SLC6A13: variants seen among roughly 807,000 people sequenced by gnomAD.
SLC6A13 encodes sodium- and chloride-dependent GABA transporter 2.
Under a neutral mutation model 72.9 loss-of-function variants are expected in SLC6A13, and 69 were observed. That is an observed-to-expected ratio of 0.95 (90% CI 0.78 to 1.16). The LOEUF is 1.16. SLC6A13 is among the 50% of genes most tolerant of loss of function. SLC6A13 has a pLI of 0.00. For missense variants in SLC6A13, 735 were observed against 760.5 expected, an observed-to-expected ratio of 0.97 and a Z score of 0.39; for synonymous variants, 303 against 303.0, an observed-to-expected ratio of 1.00 and a Z score of 0.00.
At position 221,447 on chromosome 12, in the gene SLC6A13, G is replaced by T. The variant is rs201412499; in HGVS notation, c.1615C>A (p.Leu539Met). Residue 539 changes from leucine (L) to methionine (M), a missense_variant, in exon 14 of 15, where the codon CTG becomes ATG. Transcript: ENST00000343164. ...GCAGGAATGCAGACCATGGAGGACAGAGCCAGGAGCCAGCCCAGGGCATCG... is the reference window on the plus strand; with the variant it reads ...GCAGGAATGCAGACCATGGAGGACATAGCCAGGAGCCAGCCCAGGGCATCG... ...WGDALGWLLALSSMVCIPAWS... is the reference protein window; with the variant it reads ...WGDALGWLLAMSSMVCIPAWS... The T allele has an allele frequency of 6.2e-7, 1 of 1,613,900 alleles. No individual in the cohort carries two copies. The highest frequency in any genetic ancestry group is 8.5e-7 in the Non-Finnish European group (1 of 1,179,938).
At chr12:227,783 T>C in intron 7 of SLC6A13, 115 bp from the exon 8 acceptor site, 5 of 855,070 alleles carry the variant, frequency 5.8e-6, no homozygotes, top group Non-Finnish European at 3.6e-6. Flanking sequence ...GCGAGAAACC[T>C]GTTCTCAGCC....
intron 7 of SLC6A13, among the ~76,000 whole-genome samples, chr12:230,272 G>A (rs139729654): frequency 6.6e-6 from 1 of 152,198 alleles, no homozygotes; most frequent in Non-Finnish European, 1.5e-5. Flanking sequence ...GTCTTGGGGG[G>A]AAGGAGGAGG....
At position 220,668 on chromosome 12, in the gene SLC6A13, C is replaced by G. The variant is rs889352098; in HGVS notation, c.*280G>C. ...TAATGGAATGAAGGATGAGAGGGCCCGAAGCCAGCAAGTCTCGCCCCACCT... is the reference window on the plus strand; with the variant it reads ...TAATGGAATGAAGGATGAGAGGGCCGGAAGCCAGCAAGTCTCGCCCCACCT... On this transcript the variant is annotated 3_prime_UTR_variant, in exon 15 of 15. Coordinates refer to ENST00000343164, the MANE Select transcript of SLC6A13 (RefSeq NM_016615.5). 1 of 409,690 alleles carries G rather than the reference C, an allele frequency of 2.4e-6. No homozygotes were observed. Among genetic ancestry groups the G allele is most frequent in the Non-Finnish European group, 4.5e-6 (1 of 223,088 alleles). 25.4% of individuals were successfully genotyped at this position (409,690 alleles called of 1,614,324 possible).
At chr12:235,584 A>G (rs1016200328) in intron 6 of SLC6A13, among the ~76,000 whole-genome samples, 1 of 152,212 alleles carries the variant, frequency 6.6e-6, no homozygotes, top group African/African-American at 2.4e-5. Flanking sequence ...TGATAATTGT[A>G]TTAACTGTAC....
At chr12:259,814 A>G (rs1288975682) in intron 2 of SLC6A13, 37 bp downstream of exon 2, 1 of 1,614,214 alleles carries the variant, frequency 6.2e-7, no homozygotes, top group East Asian at 2.2e-5. Flanking sequence ...TCCTCCTTCC[A>G]GGAGTGGGTG....
chr12:226,571 C>T, intron 8 of SLC6A13, 57 bp from the exon 9 acceptor site: 1 of 1,569,484 alleles, frequency 6.4e-7, no homozygotes, highest in Non-Finnish European at 8.7e-7. Flanking sequence ...GGGCTGCAAC[C>T]TCTCCTGCTT....
chr12:224,738 A>G (rs1442007995), intron 9 of SLC6A13, among the ~76,000 whole-genome samples: 1 of 152,236 alleles, frequency 6.6e-6, no homozygotes, highest in Non-Finnish European at 1.5e-5. Flanking sequence ...TGGCAAGAAC[A>G]GAATCTAGAG....
intron 2 of SLC6A13, among the ~76,000 whole-genome samples, chr12:251,791 A>C (rs1591862055): frequency 9.9e-6 from 1 of 100,610 alleles, no homozygotes; most frequent in Non-Finnish European, 2.5e-5. Context: ...CGTCTCTACC[A>C]AAAAAAAAAA....
intron 1 of SLC6A13, among the ~76,000 whole-genome samples, chr12:260,917 G>A (rs999150838): frequency 2.6e-5 from 4 of 152,040 alleles, no homozygotes; most frequent in Non-Finnish European, 5.9e-5. Flanking sequence ...AATAAAAGCC[G>A]GTTTTAAAAA....
At chr12:226,266 A>G (rs1591823702) in intron 9 of SLC6A13, 124 bp downstream of exon 9, 2 of 1,158,116 alleles carry the variant, frequency 1.7e-6, no homozygotes, top group East Asian at 4.8e-5. Flanking sequence ...CCCAGAACGC[A>G]TCCACTGAAT....
intron 2 of SLC6A13, among the ~76,000 whole-genome samples, chr12:251,216 G>A (rs1202249931): frequency 6.6e-6 from 1 of 151,762 alleles, no homozygotes; most frequent in Admixed American, 6.6e-5. Flanking sequence ...AATTCCACCT[G>A]GTATTTATAT....
At chr12:253,148 G>GT (rs1180393045) in intron 2 of SLC6A13, among the ~76,000 whole-genome samples, 3 of 152,200 alleles carry the variant, frequency 2.0e-5, no homozygotes, top group Non-Finnish European at 4.4e-5. Flanking sequence ...CATTTTCTCC[G>GT]TGAGATAGGA....
chr12:228,557 C>T (rs1201585115), intron 7 of SLC6A13, among the ~76,000 whole-genome samples: 1 of 152,152 alleles, frequency 6.6e-6, no homozygotes, highest in Non-Finnish European at 1.5e-5. Context: ...AGAACCCCCC[C>T]AAGCAGGCCC....
At chr12:222,720 G>A (rs145027776) in intron 12 of SLC6A13, 88 bp from the exon 13 acceptor site, 5 of 753,086 alleles carry the variant, frequency 6.6e-6, no homozygotes, top group East Asian at 2.7e-5. Flanking sequence ...AGACCAGAAT[G>A]GGCAGGGACC....
chr12:223,744 A>G (rs1281386240), intron 11 of SLC6A13: 2 of 514,598 alleles, frequency 3.9e-6, no homozygotes, highest in Non-Finnish European at 7.0e-6. Context: ...TGCTCCACAT[A>G]CCTCTTCACT....
In SLC6A13 at chr12:241,831, T is replaced by C. The variant is rs192307299; in HGVS notation, c.478+783A>G. On this transcript the variant is annotated intron_variant, in intron 4 of 14. Transcript: ENST00000343164. ...GGTAGTCGTATAAGCACAGGAGAAA[T>C]TGCAGATATGCAGCACATAGCAACG... 7.9e-5 allele frequency among the ~76,000 whole-genome samples: 12 copies of C among 152,348 alleles called. No homozygotes were observed. The East Asian group carries it at 2.3e-3, about 29-fold the overall frequency.
chr12:259,551 C>T, intron 2 of SLC6A13: 1 of 1,373,190 alleles, frequency 7.3e-7, no homozygotes, highest in South Asian at 2.0e-5. Flanking sequence ...GCTTAAGTAA[C>T]TTGTCCAAGA....
At chr12:244,316 G>A (rs1565502634) in intron 2 of SLC6A13, among the ~76,000 whole-genome samples, 1 of 152,198 alleles carries the variant, frequency 6.6e-6, no homozygotes, top group Non-Finnish European at 1.5e-5. Context: ...GGGACGTGGA[G>A]CCTAATAAGA....
intron 2 of SLC6A13, among the ~76,000 whole-genome samples, chr12:252,208 G>T (rs1017387988): frequency 2.6e-5 from 4 of 152,052 alleles, no homozygotes; most frequent in Admixed American, 1.3e-4. Context: ...GCAAACTAAG[G>T]TATGGTGGTA....
Sources: gnomAD v4.1 joint callset for allele counts (sites outside exome capture counted in the v4.1 genomes callset) on GRCh38, gnomAD v4.1.1 for gene constraint, MANE v1.5 for transcripts, NCBI Gene and HGNC (gene_info 2026-07-23, HGNC 2026-07-21) for gene names.